Variants in C10orf53 observed in about 807,000 individuals in gnomAD.
C10orf53 encodes chromosome 10 open reading frame 53, also known as UPF0728 protein C10orf53.
Under a neutral mutation model 9.4 loss-of-function variants are expected in C10orf53, and 8 were observed. The observed-to-expected ratio is 0.85, with a 90% CI of 0.50 to 1.53. C10orf53 has a LOEUF of 1.53. Ranked by LOEUF, C10orf53 falls within the 40% of genes most tolerant of loss-of-function variation. The pLI is 0.00. For missense variants in C10orf53, 117 were observed against 117.8 expected, an observed-to-expected ratio of 0.99 and a Z score of 0.03; for synonymous variants, 48 against 46.0, an observed-to-expected ratio of 1.04 and a Z score of -0.18.
At chr10:49,698,251 C>T (rs1259732113), downstream of C10orf53, among the ~76,000 whole-genome samples, 1 of 152,218 alleles carries the variant, frequency 6.6e-6, no homozygotes, top group Non-Finnish European at 1.5e-5. Flanking sequence ...AATCACACCA[C>T]TGCACTCCAG....
downstream of C10orf53, among the ~76,000 whole-genome samples, chr10:49,697,896 A>G (rs910140398): frequency 1.3e-5 from 2 of 152,204 alleles, no homozygotes; most frequent in African/African-American, 4.8e-5. Context: ...TTTTCCATTT[A>G]CTTCTAAAAT....
At chr10:49,688,086 T>C (rs990663544) in intron 1 of C10orf53, among the ~76,000 whole-genome samples, 2 of 152,164 alleles carry the variant, frequency 1.3e-5, no homozygotes, top group Non-Finnish European at 2.9e-5. Context: ...TTTATGTCTT[T>C]AATCAGGACC....
At chr10:49,705,466 A>G (rs1308638433) in intron 2 of C10orf53, among the ~76,000 whole-genome samples, 1 of 152,200 alleles carries the variant, frequency 6.6e-6, no homozygotes, top group African/African-American at 2.4e-5. Flanking sequence ...GATACAAGAA[A>G]CAGGAATTGA....
At chr10:49,701,803 G>C (rs1232637810), downstream of C10orf53, among the ~76,000 whole-genome samples, 3 of 152,098 alleles carry the variant, frequency 2.0e-5, no homozygotes, top group Non-Finnish European at 4.4e-5. Flanking sequence ...GGTCTCTCCA[G>C]TGCCTCTGTG....
exon 3 of C10orf53, chr10:49,709,973 CTG>C (rs71026266): frequency 0.059 from 1,859 of 31,392 alleles, 24 homozygotes; most frequent in East Asian, 0.39. Context: ...GTGTGTGTGT[CTG>C]TGTGTGTGTG....
intron 1 of C10orf53, among the ~76,000 whole-genome samples, chr10:49,692,331 G>T (rs1446039625): frequency 6.6e-6 from 1 of 152,230 alleles, no homozygotes; most frequent in African/African-American, 2.4e-5. Context: ...TGTTAATGGA[G>T]ATCCTTGCTG....
intron 1 of C10orf53, among the ~76,000 whole-genome samples, chr10:49,686,628 G>A (rs1035622526): frequency 1.2e-4 from 18 of 152,182 alleles, no homozygotes; most frequent in South Asian, 2.1e-4. Context: ...GGCTGCTCTA[G>A]GAGTATCTGT....
exon 3 of C10orf53, chr10:49,708,438 A>G (rs1258236): frequency 0.91 from 1,471,457 of 1,613,976 alleles, 675,865 homozygotes; most frequent in East Asian, 0.97. Context: ...CAGCCCGTGT[A>G]GGATGAAAGT....
chr10:49,683,668 A>G (rs1304049924), intron 1 of C10orf53, among the ~76,000 whole-genome samples: 1 of 152,200 alleles, frequency 6.6e-6, no homozygotes, highest in African/African-American at 2.4e-5. Flanking sequence ...TGAACCCAGG[A>G]GTTCAAGACC....
chr10:49,706,135 C>T (rs1473277095), intron 2 of C10orf53, among the ~76,000 whole-genome samples: 2 of 152,198 alleles, frequency 1.3e-5, no homozygotes, highest in Non-Finnish European at 2.9e-5. Context: ...AATCAGAACC[C>T]TCATACACTG....
intron 2 of C10orf53, chr10:49,694,232 C>CT: frequency 3.5e-6 from 2 of 575,854 alleles, no homozygotes; most frequent in Non-Finnish European, 6.0e-6. Context: ...TTCGAAGCTG[C>CT]TTTTTTTCCA....
Position 49,694,539 on chromosome 10 carries a change from A to G in C10orf53, c.219A>G (p.Gly73=). 3 of 1,614,214 alleles carry G rather than the reference A, an allele frequency of 1.9e-6. No individual in the cohort carries two copies. Among genetic ancestry groups the G allele is most frequent in the Non-Finnish European group, 2.5e-6 (3 of 1,179,996 alleles). Residue 73 remains glycine (G), a splice_region_variant and synonymous_variant, in exon 3 of 3, where the codon GGA becomes GGG. Coordinates refer to ENST00000374111, the MANE Select transcript of C10orf53 (RefSeq NM_001042427.3). ...FHCNIKDLEF[G]GDGKLDPLCE... is the part of the protein sequence containing the mutation. ...AGACAATTATATCTGTTTCCCTAGG[A>G]GGCGATGGTAAACTAGACCCACTGT...
downstream of C10orf53, among the ~76,000 whole-genome samples, chr10:49,699,766 G>T: frequency 6.6e-6 from 1 of 152,070 alleles, no homozygotes; most frequent in Non-Finnish European, 1.5e-5. Flanking sequence ...CAACCATTTG[G>T]TTATGTAAAT....
intron 2 of C10orf53, chr10:49,708,236 T>C: frequency 2.1e-6 from 3 of 1,407,052 alleles, no homozygotes; most frequent in Non-Finnish European, 2.8e-6. Context: ...ATAGGAAATA[T>C]ATTGGTTTGT....
At chr10:49,694,077 G>C in intron 2 of C10orf53, 184 bp downstream of exon 2, 7 of 753,596 alleles carry the variant, frequency 9.3e-6, no homozygotes, top group Non-Finnish European at 1.5e-5. Context: ...AAACCACACA[G>C]TAAAGTGTGT....
exon 3 of C10orf53, chr10:49,708,862 A>C: frequency 1.8e-6 from 1 of 560,276 alleles, no homozygotes; most frequent in Non-Finnish European, 3.1e-6. Flanking sequence ...TACTTACTCA[A>C]TTTGGGAACT....
At chr10:49,692,216 A>G (rs1367550026) in intron 1 of C10orf53, among the ~76,000 whole-genome samples, 2 of 152,252 alleles carry the variant, frequency 1.3e-5, no homozygotes, top group African/African-American at 4.8e-5. Context: ...ACAGGATGCA[A>G]TATCATAAAT....
At chr10:49,706,348 A>G (rs776829122) in intron 2 of C10orf53, among the ~76,000 whole-genome samples, 1 of 152,264 alleles carries the variant, frequency 6.6e-6, no homozygotes, top group Non-Finnish European at 1.5e-5. Flanking sequence ...ATGTCCATCA[A>G]CTGATGAATA....
In C10orf53 at chr10:49,694,543, G is replaced by T; in HGVS notation, c.223G>T (p.Asp75Tyr). ...CNIKDLEFGG[D>Y]GKLDPLCEKA... ...AATTATATCTGTTTCCCTAGGAGGC[G>T]ATGGTAAACTAGACCCACTGTGTGA... is the stretch of plus-strand genomic sequence containing the variant. Residue 75 changes from aspartate (D) to tyrosine (Y), a missense_variant, in exon 3 of 3, where the codon GAT (aspartate) becomes TAT (tyrosine). By Grantham distance (160) the Asp-to-Tyr change is radical. Coordinates refer to ENST00000374111, the MANE Select transcript of C10orf53 (RefSeq NM_001042427.3). The T allele has an allele frequency of 6.2e-7, 1 of 1,614,182 alleles. No homozygotes were observed. The highest frequency in any genetic ancestry group is 8.5e-7 in the Non-Finnish European group (1 of 1,180,010).
Sources: allele counts gnomAD v4.1 joint callset (sites outside exome capture counted in the v4.1 genomes callset), GRCh38; gene constraint gnomAD v4.1.1; transcripts MANE v1.5; gene names NCBI Gene and HGNC (gene_info 2026-07-23, HGNC 2026-07-21).